The following CA4 variants were observed in gnomAD, a reference collection of about 807,000 sequenced individuals.
CA4 encodes carbonic anhydrase 4.
A neutral mutation model predicts 34.5 loss-of-function variants in CA4; 24 were observed. The ratio of observed to expected loss-of-function variants is 0.70; its 90% CI spans 0.50 to 0.98. The LOEUF (loss-of-function observed/expected upper bound fraction) is 0.98. CA4 is among the 50% of genes least tolerant of loss of function. The probability of loss-of-function intolerance (pLI) is 0.00; values close to 1 mark genes in which losing one functional copy is unlikely to be tolerated. For missense variants in CA4, 394 were observed against 396.7 expected (o/e 0.99, Z 0.06); for synonymous variants, 178 against 170.6 (o/e 1.04, Z -0.34).
chr17:60,152,477 C>T, intron 1 of CA4, among the ~76,000 whole-genome samples: 1 of 152,376 alleles, frequency 6.6e-6, no homozygotes, highest in Non-Finnish European at 1.5e-5. Context: ...GTCACCACTA[C>T]AAACCTAGGA....
At chr17:60,152,489 C>A (rs2083609295) in intron 1 of CA4, among the ~76,000 whole-genome samples, 1 of 152,246 alleles carries the variant, frequency 6.6e-6, no homozygotes, top group Non-Finnish European at 1.5e-5. Flanking sequence ...AACCTAGGAG[C>A]TGCGGCCAGA....
chr17:60,163,932 A>G (rs564041856), downstream of CA4, among the ~76,000 whole-genome samples: 2 of 152,060 alleles, frequency 1.3e-5, no homozygotes, highest in East Asian at 3.9e-4. Context: ...GGAGTTTAAG[A>G]TCAGCCTGAG....
downstream of CA4, among the ~76,000 whole-genome samples, chr17:60,162,048 CT>C (rs1422572860): frequency 2.6e-5 from 4 of 152,142 alleles, no homozygotes; most frequent in African/African-American, 4.8e-5. Context: ...CCCCATCCCC[CT>C]GGTCCCTAAA....
chr17:60,167,865 G>A (rs1338243485), intron 5 of CA4, among the ~76,000 whole-genome samples: 1 of 152,166 alleles, frequency 6.6e-6, no homozygotes, highest in East Asian at 1.9e-4. Context: ...TGAGGCTATT[G>A]AATCGGGGTT....
At chr17:60,178,733 A>T in the CA4 span, among the ~76,000 whole-genome samples, 1 of 152,212 alleles carries the variant, frequency 6.6e-6, no homozygotes. Flanking sequence ...AAATTGAAAA[A>T]TCCTCGTCCA....
At chr17:60,160,126 C>A (rs1288997197), downstream of CA4, among the ~76,000 whole-genome samples, 1 of 152,024 alleles carries the variant, frequency 6.6e-6, no homozygotes, top group Non-Finnish European at 1.5e-5. Flanking sequence ...GGCAACAGAG[C>A]GAGAGAGAAG....
At chr17:60,162,546 TACACACACACACACACACACAC>T (rs770876140), downstream of CA4, among the ~76,000 whole-genome samples, 3 of 132,142 alleles carry the variant, frequency 2.3e-5, no homozygotes, top group African/African-American at 8.4e-5. Flanking sequence ...CTGCATGGGG[TACACACACACACACACACACAC>T]ACACACACAC....
chr17:60,161,714 TC>T (rs1468906223), downstream of CA4, among the ~76,000 whole-genome samples: 2 of 150,176 alleles, frequency 1.3e-5, no homozygotes, highest in East Asian at 2.0e-4. Flanking sequence ...CAAAAATAAG[TC>T]CCCCCTCCCT....
In CA4 at chr17:60,156,559, G is replaced by A. The variant is rs1398113374; in HGVS notation, c.113-1G>A. 2 of 1,614,046 alleles carry A rather than the reference G, an allele frequency of 1.2e-6. No individual in the cohort carries two copies. Among genetic ancestry groups the A allele is most frequent in the African/African-American group, 2.7e-5 (2 of 74,942 alleles). ...TCAGCCCACCTTCTCTCCCTGCTCA[G>A]TGCCAGTCAAGTGGGGTGGAAACTG... On this transcript the variant is annotated splice_acceptor_variant, in intron 2 of 7. Transcript: ENST00000300900. LOFTEE classifies it high-confidence loss of function.
chr17:60,159,256 C>CAG lies in CA4; in HGVS notation c.771_772insAG (p.Tyr258SerfsTer8), dbSNP rs775069368. On this transcript the variant is annotated frameshift_variant, in exon 8 of 8. Coordinates refer to ENST00000300900, the MANE Select transcript of CA4 (RefSeq NM_000717.5). LOFTEE classifies it low-confidence loss of function (END_TRUNC). Reference sequence around the variant, plus strand: ...TCCTGGCATTCTCTCAGAAGCTGTACTACGACAAGGAACAGACAGTGAGCA... The same window carrying CAG: ...TCCTGGCATTCTCTCAGAAGCTGTACAGTACGACAAGGAACAGACAGTGAGCA... 6.2e-7 allele frequency: 1 copy of CAG among 1,607,048 alleles called. No homozygotes were observed. Among genetic ancestry groups the CAG allele is most frequent in the Admixed American group, 1.7e-5 (1 of 59,148 alleles).
Position 60,159,259 on chromosome 17 carries a change from C to T in CA4, c.774C>T (p.Tyr258=), listed in dbSNP as rs758397326. The part of the protein sequence containing the change: ...QILAFSQKLY[Y]DKEQTVSMKD... Reference sequence around the variant, plus strand: ...TGGCATTCTCTCAGAAGCTGTACTACGACAAGGAACAGACAGTGAGCATGA... The same window carrying T: ...TGGCATTCTCTCAGAAGCTGTACTATGACAAGGAACAGACAGTGAGCATGA... The change falls in exon 8 of 8, where the codon TAC becomes TAT. Residue 258 remains tyrosine, a synonymous_variant. Coordinates refer to ENST00000300900, the MANE Select transcript of CA4 (RefSeq NM_000717.5). The T allele has an allele frequency of 1.4e-5, 23 of 1,607,458 alleles. No individual in the cohort carries two copies. Among genetic ancestry groups the T allele is most frequent in the South Asian group, 4.4e-5 (4 of 90,014 alleles).
intron 3 of CA4, 95 bp from the exon 4 acceptor site, chr17:60,157,332 A>G (rs2083706020): frequency 4.3e-6 from 5 of 1,158,212 alleles, no homozygotes; most frequent in Non-Finnish European, 5.9e-6. Context: ...GTTGGGAGGC[A>G]GGAGACAATG....
At position 60,157,680 on chromosome 17, in the gene CA4, C is replaced by G; in HGVS notation, c.415-10C>G. On this transcript the variant is annotated splice_polypyrimidine_tract_variant and intron_variant, in intron 4 of 7. Transcript: ENST00000300900. Reference sequence around the variant, plus strand: ...CATAGGTCCCCTTTTCACCCCTCCACCCCGACCAGATGCACATAGTACATG... The same window carrying G: ...CATAGGTCCCCTTTTCACCCCTCCAGCCCGACCAGATGCACATAGTACATG... 5 of 1,612,940 alleles carry G rather than the reference C, an allele frequency of 3.1e-6. No homozygotes were observed. The highest frequency in any genetic ancestry group is 4.2e-6 in the Non-Finnish European group (5 of 1,178,858).
chr17:60,151,854 T>C (rs2083597032), intron 1 of CA4, among the ~76,000 whole-genome samples: 1 of 152,034 alleles, frequency 6.6e-6, no homozygotes, highest in African/African-American at 2.4e-5. Context: ...AGCATCTCTG[T>C]CCATTGAGAC....
At chr17:60,176,688 T>C in the CA4 span, among the ~76,000 whole-genome samples, 13 of 152,292 alleles carry the variant, frequency 8.5e-5, no homozygotes, top group Middle Eastern at 3.4e-3. Context: ...TAAAGTCACC[T>C]GGTCACTGGA....
chr17:60,153,737 C>T lies in CA4; in HGVS notation c.59-1577C>T, dbSNP rs113461534. The stretch of plus-strand genomic sequence containing the variant: ...GGAGCTGGAGGCTTCGGAGCTCTGC[C>T]CCACTGCTGGGGTGGCGAGTGGCCA... On this transcript the variant is annotated intron_variant, in intron 1 of 7. Coordinates refer to ENST00000300900, the MANE Select transcript of CA4 (RefSeq NM_000717.5). Among the ~76,000 whole-genome samples the T allele has an allele frequency of 4.0e-3, 615 of 152,266 alleles. 2 individuals are homozygous for T. Among genetic ancestry groups the T allele is most frequent in the Admixed American group, 8.7e-3 (133 of 15,292 alleles).
intron 1 of CA4, among the ~76,000 whole-genome samples, chr17:60,152,757 G>A (rs913091626): frequency 1.3e-5 from 2 of 152,198 alleles, no homozygotes; most frequent in African/African-American, 4.8e-5. Context: ...AACTGTCATG[G>A]TGCAAATGCC....
rs202023904 is a variant in CA4, at chr17:60,156,656, T to G, written c.209T>G (p.Phe70Cys). Reference protein sequence around the residue: ...KAKVDKKLGRFFFSGYDKKQT... With the variant: ...KAKVDKKLGRCFFSGYDKKQT... ...AAGGTGGACAAAAAACTGGGACGCT[T>G]CTTCTTCTCTGGCTACGATAAGAAG... The change falls in exon 3 of 8, where the codon TTC becomes TGC. Residue 70 changes from phenylalanine to cysteine, a missense_variant. Physicochemically the swap from Phe to Cys is radical, Grantham distance 205. Transcript: ENST00000300900. The G allele has an allele frequency of 1.0e-4, 164 of 1,613,990 alleles. No homozygotes were observed. Among genetic ancestry groups the G allele is most frequent in the Admixed American group, 4.8e-4 (29 of 60,022 alleles).
intron 5 of CA4, among the ~76,000 whole-genome samples, chr17:60,164,910 C>T (rs1289428784): frequency 6.6e-6 from 1 of 152,176 alleles, no homozygotes; most frequent in Non-Finnish European, 1.5e-5. Context: ...TGGAATCCCC[C>T]TCCATTGCTG....
Sources: gnomAD v4.1 joint callset for allele counts (sites outside exome capture counted in the v4.1 genomes callset) on GRCh38, gnomAD v4.1.1 for gene constraint, MANE v1.5 for transcripts, NCBI Gene and HGNC (gene_info 2026-07-23, HGNC 2026-07-21) for gene names.